PSMB3: variants seen among roughly 807,000 people sequenced by gnomAD.
The protein encoded by PSMB3 is proteasome subunit beta type-3.
PSMB3 carries 5 observed loss-of-function variants against 23.3 expected under a neutral mutation model. The observed-to-expected ratio is 0.21, with a 90% CI of 0.11 to 0.45. The LOEUF (loss-of-function observed/expected upper bound fraction) is 0.45, where lower values mean the gene tolerates loss of function less well. Ranked by LOEUF, PSMB3 falls within the 20% of genes least tolerant of loss-of-function variation. The pLI is 0.99. For synonymous variants in PSMB3, 85 were observed against 99.8 expected (o/e 0.85, Z 0.88); for missense variants, 192 against 277.9 (o/e 0.69, Z 2.20).
intron 2 of PSMB3, 94 bp downstream of exon 2, chr17:38,753,428 A>G: frequency 7.8e-7 from 1 of 1,288,318 alleles, no homozygotes. Context: ...CATCTACCAC[A>G]CACCACCAGT....
intron 2 of PSMB3, 102 bp downstream of exon 2, chr17:38,753,436 A>G: frequency 8.2e-7 from 1 of 1,222,750 alleles, no homozygotes; most frequent in Non-Finnish European, 1.1e-6. Context: ...ACACACCACC[A>G]GTGAGTTTGA....
intron 2 of PSMB3, 74 bp downstream of exon 2, chr17:38,753,408 A>C (rs1908025052): frequency 6.7e-7 from 1 of 1,486,808 alleles, no homozygotes; most frequent in African/African-American, 1.4e-5. Flanking sequence ...TGACCGGCCA[A>C]GGTGTCAGTC....
intron 5 of PSMB3, among the ~76,000 whole-genome samples, chr17:38,762,893 T>C (rs938682093): frequency 1.3e-5 from 2 of 152,146 alleles, no homozygotes; most frequent in Admixed American, 1.3e-4. Context: ...AGAGACCAAT[T>C]TCCAAGCCTC....
intron 2 of PSMB3, among the ~76,000 whole-genome samples, chr17:38,755,680 A>ATGTGTGTGTGTGTG (rs1368083790): frequency 1.9e-5 from 2 of 103,526 alleles, no homozygotes; most frequent in Admixed American, 1.1e-4. Flanking sequence ...ATATATATAT[A>ATGTGTGTGTGTGTG]TATGTGTGTG....
In PSMB3 at chr17:38,752,959, C is replaced by T. The variant is rs1907999186; in HGVS notation, c.3+130C>T. 4 of 1,406,734 alleles carry T rather than the reference C, an allele frequency of 2.8e-6. No individual in the cohort carries two copies. Among genetic ancestry groups the T allele is most frequent in the African/African-American group, 1.4e-5 (1 of 70,560 alleles). The allele number at this position is 1,406,734 out of a possible 1,614,324, so 87.1% of individuals were successfully genotyped here. A position where few individuals can be genotyped will look rare whatever the true frequency, so the allele number is the denominator to read the frequency against. On this transcript the variant is annotated intron_variant, in intron 1 of 5. Transcript: ENST00000619426. The surrounding 1 kb of genome is among the most constrained non-coding windows in gnomAD (Gnocchi z 5.5). The stretch of plus-strand genomic sequence containing the variant: ...CGGTTTCAGTTCGAGGGGAGCGGGC[C>T]CCGGTGAGGACCAAGAGGGTGAGTG...
At chr17:38,753,067 G>A (rs1908003655) in intron 1 of PSMB3, 83 bp from the exon 2 acceptor site, 1 of 1,422,332 alleles carries the variant, frequency 7.0e-7, no homozygotes, top group Admixed American at 2.3e-5. Context: ...CGGGCGTACA[G>A]GAGCCTCCGC....
intron 3 of PSMB3, among the ~76,000 whole-genome samples, chr17:38,759,096 A>G (rs1450200257): frequency 1.3e-5 from 2 of 152,222 alleles, no homozygotes; most frequent in African/African-American, 4.8e-5. Context: ...CATATGGATA[A>G]CGTCTCTTTT....
chr17:38,761,694 AATG>A (rs1908449377), intron 4 of PSMB3, among the ~76,000 whole-genome samples: 1 of 152,046 alleles, frequency 6.6e-6, no homozygotes, highest in Non-Finnish European at 1.5e-5. Flanking sequence ...CATGGGGAGA[AATG>A]ATGCTGGAGA....
chr17:38,763,168 C>T (rs1358514989), intron 5 of PSMB3, among the ~76,000 whole-genome samples: 1 of 152,114 alleles, frequency 6.6e-6, no homozygotes, highest in Non-Finnish European at 1.5e-5. Context: ...ACCAGCCTAA[C>T]ATGGCGAAAC....
intron 4 of PSMB3, 195 bp from the exon 5 acceptor site, chr17:38,762,215 CT>C (rs1908472588): frequency 2.0e-5 from 11 of 554,274 alleles, no homozygotes; most frequent in South Asian, 1.5e-4. Context: ...GTCTCTTTCA[CT>C]TTCCTTTACA....
intron 3 of PSMB3, among the ~76,000 whole-genome samples, chr17:38,758,862 C>T (rs553720671): frequency 5.7e-4 from 87 of 152,232 alleles, no homozygotes; most frequent in South Asian, 6.2e-4. Context: ...CTGGCTAACA[C>T]GGTGAAACCC....
chr17:38,761,348 C>CAAAA (rs1236248256), intron 4 of PSMB3, among the ~76,000 whole-genome samples: 4 of 88,210 alleles, frequency 4.5e-5, no homozygotes, highest in East Asian at 3.3e-4. Context: ...AACTCCGTCT[C>CAAAA]AAAAAAAAAA....
chr17:38,763,374 CAAAA>C (rs1199663094), intron 5 of PSMB3, among the ~76,000 whole-genome samples: 1 of 151,440 alleles, frequency 6.6e-6, no homozygotes, highest in Non-Finnish European at 1.5e-5. Context: ...AAAACAAAAA[CAAAA>C]AACCCAAAAA....
At chr17:38,755,654 AAAAAAATAT>A (rs1202970426) in intron 2 of PSMB3, among the ~76,000 whole-genome samples, 28 of 78,738 alleles carry the variant, frequency 3.6e-4, no homozygotes, top group African/African-American at 1.4e-3. Flanking sequence ...TCTAAAAAAA[AAAAAAATAT>A]ATATATATAT....
intron 2 of PSMB3, among the ~76,000 whole-genome samples, chr17:38,754,671 A>T (rs1327167320): frequency 6.6e-6 from 1 of 151,956 alleles, no homozygotes; most frequent in Non-Finnish European, 1.5e-5. Flanking sequence ...TGCTGTTCTC[A>T]CACCATTTCC....
In PSMB3 at chr17:38,758,700, A is replaced by ATG. The variant is rs1241165782; in HGVS notation, c.297-1721_297-1720dup. Among the ~76,000 whole-genome samples, 7 of 152,222 alleles carry ATG rather than the reference A, an allele frequency of 4.6e-5. No individual in the cohort carries two copies. In the South Asian group the frequency reaches 1.5e-3, roughly 32 times the overall value. ...CTGTAATCTTGAACTGTGCGTGTGT[A>ATG]TGTGTGTGTGTTTCTATTTAGAGCT... On this transcript the variant is annotated intron_variant, in intron 3 of 5. Transcript: ENST00000619426.
chr17:38,757,297 T>C (rs1457926954), intron 3 of PSMB3, among the ~76,000 whole-genome samples: 1 of 151,346 alleles, frequency 6.6e-6, no homozygotes, highest in Non-Finnish European at 1.5e-5. Context: ...GGAAGGTGGA[T>C]CACTTGAGGT....
chr17:38,759,348 C>G (rs569487555), intron 3 of PSMB3, among the ~76,000 whole-genome samples: 3 of 152,210 alleles, frequency 2.0e-5, no homozygotes, highest in South Asian at 4.1e-4. Flanking sequence ...TTGTCACTGC[C>G]CAGCATCAGG....
chr17:38,755,680 ATATGTG>A (rs1379052407), intron 2 of PSMB3, among the ~76,000 whole-genome samples, 197 bp from the exon 3 acceptor site: 13 of 103,526 alleles, frequency 1.3e-4, no homozygotes, highest in Admixed American at 4.6e-4. Flanking sequence ...ATATATATAT[ATATGTG>A]TGTGTGTGTG....
Sources: gnomAD v4.1 joint callset for allele counts (sites outside exome capture counted in the v4.1 genomes callset) on GRCh38, gnomAD v4.1.1 for gene constraint, Gnocchi (gnomAD v3.1) non-coding constraint, MANE v1.5 for transcripts, NCBI Gene and HGNC (gene_info 2026-07-23, HGNC 2026-07-21) for gene names.